The following CELF2 variants were observed in gnomAD, a reference collection of about 807,000 sequenced individuals.
The protein encoded by CELF2 is CUG triplet repeat RNA-binding protein 2.
Under a neutral mutation model 62.6 loss-of-function variants are expected in CELF2, and 8 were observed. The ratio of observed to expected loss-of-function variants is 0.13; its 90% CI spans 0.07 to 0.23. The LOEUF (loss-of-function observed/expected upper bound fraction) is 0.23, where lower values mean the gene tolerates loss of function less well. Among genes scored for constraint, CELF2 ranks in the 10% least tolerant of loss-of-function variants. CELF2 has a pLI of 1.00. For synonymous variants in CELF2, 258 were observed against 250.0 expected (o/e 1.03, Z -0.30); for missense variants, 333 against 671.0 (o/e 0.50, Z 5.56).
At position 10,993,471 on chromosome 10, in the gene CELF2, G is replaced by C. The variant is rs201106; in HGVS notation, c.89+73472G>C. 0.13 allele frequency among the ~76,000 whole-genome samples: 20,175 copies of C among 152,056 alleles called. 4,491 individuals carry two copies. Among genetic ancestry groups the C allele is most frequent in the African/African-American group, 0.46 (19,070 of 41,406 alleles). ...GCCAATTTAGGCAGACACCAAGCAT[G>C]AGAAAGGCAAGCCTCAGGAATATGG... On this transcript the variant is annotated intron_variant, in intron 2 of 13. Coordinates refer to the CELF2 transcript ENST00000636488. This position sits in a 1 kb window ranked among gnomAD's most constrained non-coding sequence, Gnocchi z 5.3.
At chr10:10,703,877 T>A in the CELF2 span, among the ~76,000 whole-genome samples, 2 of 152,192 alleles carry the variant, frequency 1.3e-5, no homozygotes, top group Non-Finnish European at 2.9e-5. Flanking sequence ...AGAACCCTAA[T>A]CAATACAGCA....
chr10:10,977,305 C>T (rs72772075), intron 2 of CELF2, among the ~76,000 whole-genome samples: 2 of 152,326 alleles, frequency 1.3e-5, no homozygotes, highest in Non-Finnish European at 2.9e-5. Context: ...TACACAGACA[C>T]TTAGTGATGC....
the CELF2 span, among the ~76,000 whole-genome samples, chr10:10,555,855 G>A: frequency 6.6e-6 from 1 of 152,108 alleles, no homozygotes; most frequent in Non-Finnish European, 1.5e-5. Context: ...GCCTCTTCGG[G>A]CTCTTCACAG....
At chr10:10,799,463 A>T (rs2054425111) in intron 1 of CELF2, among the ~76,000 whole-genome samples, 1 of 152,124 alleles carries the variant, frequency 6.6e-6, no homozygotes, top group South Asian at 2.1e-4. Context: ...CAGCCTGTGC[A>T]ACAGAGTAAG....
At chr10:11,006,198 G>T (rs886796370) in intron 1 of CELF2, among the ~76,000 whole-genome samples, 26 of 152,202 alleles carry the variant, frequency 1.7e-4, no homozygotes, top group Non-Finnish European at 2.6e-4. Context: ...AATGGGACCG[G>T]TTGAACAATG....
the CELF2 span, among the ~76,000 whole-genome samples, chr10:10,586,708 T>C: frequency 1.8e-4 from 28 of 152,260 alleles, no homozygotes; most frequent in South Asian, 5.6e-3. Context: ...AGTTTGATCA[T>C]TGGGTTCCTA....
At chr10:10,679,676 C>T in the CELF2 span, among the ~76,000 whole-genome samples, 1 of 152,170 alleles carries the variant, frequency 6.6e-6, no homozygotes, top group East Asian at 1.9e-4. Flanking sequence ...TCTCATATAT[C>T]CATCTAGTTT....
intron 2 of CELF2, among the ~76,000 whole-genome samples, chr10:10,939,277 G>GTTGTTGTTGT (rs1564851300): frequency 0.015 from 2,223 of 144,296 alleles, 90 homozygotes; most frequent in African/African-American, 0.056. Context: ...TTGTTTTGTG[G>GTTGTTGTTGT]TGTTGTTGTT....
the CELF2 span, among the ~76,000 whole-genome samples, chr10:10,781,489 A>G: frequency 6.6e-6 from 1 of 152,236 alleles, no homozygotes; most frequent in African/African-American, 2.4e-5. Flanking sequence ...CACGTCTTAC[A>G]CGGAGGCAGG....
chr10:11,016,729 G>A (rs2137728092), upstream of CELF2, among the ~76,000 whole-genome samples: 1 of 152,304 alleles, frequency 6.6e-6, no homozygotes, highest in Admixed American at 6.5e-5. The surrounding 1 kb of genome is among the most constrained non-coding windows in gnomAD (Gnocchi z 5.2). Flanking sequence ...CAGCTTCCTA[G>A]CACAGTTCTG....
the CELF2 span, among the ~76,000 whole-genome samples, chr10:10,571,013 TAATATTAA>T: frequency 6.6e-6 from 1 of 152,196 alleles, no homozygotes; most frequent in Non-Finnish European, 1.5e-5. Context: ...ACATCAAGGT[TAATATTAA>T]AATCTTAAGA....
At position 11,237,802 on chromosome 10, in the gene CELF2, A is replaced by G. The variant is rs1479830174; in HGVS notation, c.355-11351A>G. ...CCCAGGCAGCGTCACGGCCAGAGACAAATGTCACAAGGATGATTTGTTGTT... is the reference window on the plus strand; with the variant it reads ...CCCAGGCAGCGTCACGGCCAGAGACGAATGTCACAAGGATGATTTGTTGTT... On this transcript the variant is annotated intron_variant, in intron 3 of 12. Transcript: ENST00000633077. The surrounding 1 kb of genome is among the most constrained non-coding windows in gnomAD (Gnocchi z 4.0). Among the ~76,000 whole-genome samples the G allele has an allele frequency of 6.6e-6, 1 of 152,254 alleles. No individual in the cohort carries two copies. Among genetic ancestry groups the G allele is most frequent in the African/African-American group, 2.4e-5 (1 of 41,464 alleles).
At chr10:11,001,635 C>T (rs536996622), upstream of CELF2, among the ~76,000 whole-genome samples, 25 of 152,326 alleles carry the variant, frequency 1.6e-4, no homozygotes, top group African/African-American at 6.0e-4. Flanking sequence ...CCAATATTCT[C>T]ACATTGCAGA....
At chr10:11,088,585 C>T (rs112825643) in intron 1 of CELF2, among the ~76,000 whole-genome samples, 7 of 152,322 alleles carry the variant, frequency 4.6e-5, no homozygotes, top group African/African-American at 1.7e-4. Context: ...AATGATGATG[C>T]TTCTTGGCTG....
chr10:10,870,238 T>C (rs778047453), intron 1 of CELF2, among the ~76,000 whole-genome samples: 20 of 152,248 alleles, frequency 1.3e-4, no homozygotes, highest in Non-Finnish European at 2.1e-4. Context: ...TTAAAAGATA[T>C]GTACGTTAAA....
intron 8 of CELF2, among the ~76,000 whole-genome samples, chr10:11,282,684 G>A (rs994687484): frequency 6.6e-6 from 1 of 152,160 alleles, no homozygotes; most frequent in African/African-American, 2.4e-5. Context: ...TACTTCAGTC[G>A]CACTTTACAC....
At chr10:10,560,850 A>G in the CELF2 span, among the ~76,000 whole-genome samples, 1 of 152,204 alleles carries the variant, frequency 6.6e-6, no homozygotes, top group Non-Finnish European at 1.5e-5. Flanking sequence ...AAAGGAATGA[A>G]TTAACAGCAT....
the CELF2 span, among the ~76,000 whole-genome samples, chr10:10,648,038 C>G: frequency 6.6e-6 from 1 of 152,188 alleles, no homozygotes; most frequent in South Asian, 2.1e-4. Context: ...ACTTCATGTA[C>G]AAATTTACTT....
chr10:10,945,642 T>C (rs898829717), intron 2 of CELF2, among the ~76,000 whole-genome samples: 7 of 152,160 alleles, frequency 4.6e-5, no homozygotes, highest in Admixed American at 1.3e-4. Context: ...TGTGGCTCAG[T>C]GGAGGCGGCC....
Sources: gnomAD v4.1 joint callset for allele counts (sites outside exome capture counted in the v4.1 genomes callset) on GRCh38, gnomAD v4.1.1 for gene constraint, Gnocchi (gnomAD v3.1) non-coding constraint, MANE v1.5 for transcripts, NCBI Gene and HGNC (gene_info 2026-07-23, HGNC 2026-07-21) for gene names.